Variants in TDRD12 observed in about 807,000 individuals in gnomAD.
TDRD12 encodes the protein putative ATP-dependent RNA helicase TDRD12.
Under a neutral mutation model 133.5 loss-of-function variants are expected in TDRD12, and 158 were observed. That is an observed-to-expected ratio of 1.18 (90% CI 1.04 to 1.35). TDRD12 has a LOEUF of 1.35. TDRD12 is among the 40% of genes most tolerant of loss of function. TDRD12 has a pLI of 0.00. For synonymous variants in TDRD12, 460 were observed against 477.9 expected (o/e 0.96, Z 0.49); for missense variants, 1,443 against 1,321.3 (o/e 1.09, Z -1.43).
intron 8 of TDRD12, among the ~76,000 whole-genome samples, chr19:32,758,174 G>A (rs1970050383): frequency 6.6e-6 from 1 of 152,172 alleles, no homozygotes; most frequent in Non-Finnish European, 1.5e-5. Context: ...AGAAGGGTGA[G>A]GATGGGCAGA....
At chr19:32,752,242 C>T (rs1362638962) in intron 6 of TDRD12, among the ~76,000 whole-genome samples, 2 of 151,876 alleles carry the variant, frequency 1.3e-5, no homozygotes, top group Non-Finnish European at 2.9e-5. Flanking sequence ...CTCAATGGTG[C>T]GATCTTGGCT....
intron 1 of TDRD12, 121 bp downstream of exon 1, chr19:32,720,217 C>T (rs1215086708): frequency 3.9e-5 from 45 of 1,144,808 alleles, no homozygotes; most frequent in South Asian, 3.5e-4. Context: ...ACCGCAGCCC[C>T]GCACAGCCTC....
rs1262515590 is a variant in TDRD12, at chr19:32,803,022, G to T, written c.2432G>T (p.Arg811Leu). 5 of 1,535,920 alleles carry T rather than the reference G, an allele frequency of 3.3e-6. No homozygotes were observed. In the African/African-American group the frequency reaches 4.1e-5, roughly 13 times the overall value. Residue 811 changes from arginine to leucine, a missense_variant, in exon 21 of 28, where the codon CGA becomes CTA. Coordinates refer to ENST00000444215, the Ensembl canonical transcript of TDRD12. ...GTGGGCGTCCTGCGCTACTTGGAGC[G>T]AGCGGACGCCAAGGTCCCCGCAGAG...
chr19:32,772,795 C>G (rs1390446648), exon 9 of TDRD12: 1 of 1,515,228 alleles, frequency 6.6e-7, no homozygotes. Flanking sequence ...AGAGATTCAC[C>G]TAAAGACAAA....
intron 2 of TDRD12, among the ~76,000 whole-genome samples, chr19:32,735,566 A>T (rs1056923685): frequency 2.0e-5 from 3 of 152,246 alleles, no homozygotes; most frequent in African/African-American, 7.2e-5. Flanking sequence ...CAGTTTCTCC[A>T]GATGTAGCTA....
At chr19:32,732,441 G>A (rs1969087391) in intron 2 of TDRD12, among the ~76,000 whole-genome samples, 1 of 152,232 alleles carries the variant, frequency 6.6e-6, no homozygotes, top group African/African-American at 2.4e-5. Context: ...CTGGGGCTGG[G>A]AACCAGGGGG....
At chr19:32,793,178 C>CT (rs1971120030) in intron 13 of TDRD12, among the ~76,000 whole-genome samples, 1 of 123,414 alleles carries the variant, frequency 8.1e-6, no homozygotes, top group Non-Finnish European at 1.6e-5. Flanking sequence ...GAACGAGACT[C>CT]TGTCTACAAT....
downstream of TDRD12, among the ~76,000 whole-genome samples, chr19:32,823,548 G>A (rs114636752): frequency 0.012 from 1,890 of 152,274 alleles, 51 homozygotes; most frequent in African/African-American, 0.043. Context: ...GTGCAGGTGA[G>A]GAGAAAGGAT....
At chr19:32,779,281 C>T (rs1970695193) in intron 11 of TDRD12, among the ~76,000 whole-genome samples, 1 of 152,206 alleles carries the variant, frequency 6.6e-6, no homozygotes, top group African/African-American at 2.4e-5. Context: ...CACTAGCCTC[C>T]TCTGTGTGAC....
intron 8 of TDRD12, among the ~76,000 whole-genome samples, chr19:32,764,369 T>C (rs1302674195): frequency 6.6e-6 from 1 of 152,052 alleles, no homozygotes; most frequent in Non-Finnish European, 1.5e-5. Context: ...CTCAGCCTCC[T>C]AAAGTGCTGG....
At chr19:32,722,291 G>A (rs1968708468) in intron 1 of TDRD12, among the ~76,000 whole-genome samples, 1 of 152,130 alleles carries the variant, frequency 6.6e-6, no homozygotes, top group Non-Finnish European at 1.5e-5. Flanking sequence ...GCAGAACTTT[G>A]ATAGCAGGAG....
intron 7 of TDRD12, 99 bp downstream of exon 7, chr19:32,756,280 A>G (rs1174511288): frequency 9.7e-7 from 1 of 1,026,338 alleles, no homozygotes; most frequent in South Asian, 2.9e-5. Context: ...ACATGGAGAC[A>G]AAGACTTGGA....
chr19:32,739,451 G>T (rs1376741313), intron 3 of TDRD12, among the ~76,000 whole-genome samples: 7 of 144,406 alleles, frequency 4.8e-5, no homozygotes, highest in Non-Finnish European at 1.0e-4. Context: ...TCTCCTGGCT[G>T]CTCTCTGCAT....
chr19:32,773,629 T>C, intron 10 of TDRD12, 97 bp downstream of exon 10: 2 of 1,049,346 alleles, frequency 1.9e-6, no homozygotes, highest in Non-Finnish European at 2.9e-6. Flanking sequence ...GCCCAGGAGG[T>C]CGAGGCTTCA....
rs184042832 is a variant in TDRD12, at chr19:32,790,177, A to G, written c.1122-354A>G. ...CCCATGTTGGGGTTGGGCTGGATCT[A>G]GAGGAAAGCAGTTTCAAATTTCTTC... On this transcript the variant is annotated intron_variant, in intron 11 of 27. Transcript: ENST00000444215. Among the ~76,000 whole-genome samples the G allele has an allele frequency of 3.3e-3, 494 of 149,588 alleles. 2 individuals are homozygous for G. The highest frequency in any genetic ancestry group is 0.012 in the African/African-American group (467 of 39,188).
intron 1 of TDRD12, among the ~76,000 whole-genome samples, chr19:32,728,708 C>T (rs539286828): frequency 1.4e-5 from 2 of 146,546 alleles, no homozygotes; most frequent in East Asian, 2.0e-4. Flanking sequence ...TGCAGTGGCG[C>T]GATCTTGGTT....
At chr19:32,809,018 G>C (rs1344521111) in intron 22 of TDRD12, among the ~76,000 whole-genome samples, 1 of 151,920 alleles carries the variant, frequency 6.6e-6, no homozygotes, top group African/African-American at 2.4e-5. Context: ...CTTTGCTATT[G>C]CTCATTTTTA....
chr19:32,790,176 TAGAGG>T lies in TDRD12; in HGVS notation c.1122-353_1122-349del, dbSNP rs150842679. ...ACCCATGTTGGGGTTGGGCTGGATC[TAGAGG>T]AAAGCAGTTTCAAATTTCTTCTCCT... On this transcript the variant is annotated intron_variant, in intron 11 of 27. Transcript: ENST00000444215. Among the ~76,000 whole-genome samples the T allele has an allele frequency of 8.9e-3, 1,354 of 152,336 alleles. 17 individuals are homozygous for T. The highest frequency in any genetic ancestry group is 0.029 in the African/African-American group (1,187 of 41,576).
In TDRD12 at chr19:32,775,317, G is replaced by A. The variant is rs750005054; in HGVS notation, c.1040+1785G>A. ...TTCTGCTATTGAGCCCATCCTGTGA[G>A]TATTCTATTTATTATATCTATATTT... On this transcript the variant is annotated intron_variant, in intron 10 of 27. Transcript: ENST00000444215. Among the ~76,000 whole-genome samples, 122 of 152,230 alleles carry A rather than the reference G, an allele frequency of 8.0e-4. 2 individuals are homozygous for A. The highest frequency in any genetic ancestry group is 7.5e-4 in the Non-Finnish European group (51 of 67,988).
Sources: gnomAD v4.1 joint callset for allele counts (sites outside exome capture counted in the v4.1 genomes callset) on GRCh38, gnomAD v4.1.1 for gene constraint, MANE v1.5 for transcripts, NCBI Gene and HGNC (gene_info 2026-07-23, HGNC 2026-07-21) for gene names.